FXR1: variants seen among roughly 807,000 people sequenced by gnomAD.
FXR1 encodes FMR1 autosomal homolog 1.
In FXR1, 15 loss-of-function variants were observed where a neutral mutation model predicts 84.0. That is an observed-to-expected ratio of 0.18 (90% CI 0.12 to 0.27). FXR1 has a LOEUF of 0.27. FXR1 is among the 10% of genes least tolerant of loss of function. FXR1 has a pLI of 1.00. For missense variants in FXR1, 480 were observed against 774.4 expected (o/e 0.62, Z 4.51); for synonymous variants, 245 against 250.7 (o/e 0.98, Z 0.21).
intron 1 of FXR1, among the ~76,000 whole-genome samples, chr3:180,931,439 G>A (rs1373806171): frequency 3.3e-5 from 5 of 152,016 alleles, no homozygotes; most frequent in Non-Finnish European, 5.9e-5. Context: ...GGCTGGTCTC[G>A]AACTCCTGAC....
intron 1 of FXR1, among the ~76,000 whole-genome samples, chr3:180,924,735 A>G (rs1375545040): frequency 6.6e-6 from 1 of 151,814 alleles, no homozygotes; most frequent in Non-Finnish European, 1.5e-5. Context: ...CAGGTGATCC[A>G]CCTGCCTCGG....
intron 10 of FXR1, among the ~76,000 whole-genome samples, chr3:180,959,494 G>C (rs1576981866): frequency 1.3e-5 from 2 of 152,008 alleles, no homozygotes; most frequent in Non-Finnish European, 2.9e-5. Context: ...CTAATTTTAT[G>C]ACTTCAGCAA....
chr3:180,975,571 T>C (rs746233183), intron 16 of FXR1, among the ~76,000 whole-genome samples, 167 bp downstream of exon 16: 2 of 152,204 alleles, frequency 1.3e-5, no homozygotes, highest in African/African-American at 2.4e-5. Context: ...ACTAAAGATA[T>C]GCATGCTTGA....
At chr3:180,936,424 C>T (rs1203066627) in intron 3 of FXR1, among the ~76,000 whole-genome samples, 4 of 152,046 alleles carry the variant, frequency 2.6e-5, no homozygotes, top group Non-Finnish European at 4.4e-5. Flanking sequence ...CCCACCATCA[C>T]GCCCAGCTAA....
At chr3:180,921,764 GTTTACATAGACACGTGTATAAT>G (rs1253082140) in intron 1 of FXR1, among the ~76,000 whole-genome samples, 1 of 152,144 alleles carries the variant, frequency 6.6e-6, no homozygotes, top group Non-Finnish European at 1.5e-5. Flanking sequence ...AAAAGTATAC[GTTTACATAGACACGTGTATAAT>G]TTTACACACA....
chr3:180,948,893 A>G (rs955854012), intron 6 of FXR1, 79 bp downstream of exon 6: 2 of 776,040 alleles, frequency 2.6e-6, no homozygotes, highest in African/African-American at 1.7e-5. Flanking sequence ...CAGAAGAGAA[A>G]AGCTAAGATC....
chr3:180,970,088 C>CA, intron 14 of FXR1, 70 bp from the exon 15 acceptor site: 1 of 808,802 alleles, frequency 1.2e-6, no homozygotes, highest in Non-Finnish European at 2.2e-6. Context: ...TGATATAGTT[C>CA]AATATAGATC....
intron 7 of FXR1, among the ~76,000 whole-genome samples, chr3:180,949,724 G>A (rs556191546): frequency 6.6e-6 from 1 of 152,280 alleles, no homozygotes; most frequent in East Asian, 1.9e-4. Flanking sequence ...TGCTTCAAAC[G>A]AAGGCAGCCC....
chr3:180,920,261 A>T (rs996425750), intron 1 of FXR1, among the ~76,000 whole-genome samples: 1 of 152,106 alleles, frequency 6.6e-6, no homozygotes, highest in African/African-American at 2.4e-5. Flanking sequence ...GTTATTTTCA[A>T]GTCTTAAATT....
At chr3:180,940,580 G>GTTTTTTTTTTTT (rs746815811) in intron 3 of FXR1, among the ~76,000 whole-genome samples, 5 of 146,112 alleles carry the variant, frequency 3.4e-5, no homozygotes, top group African/African-American at 1.3e-4. Context: ...GTTTTTTTCT[G>GTTTTTTTTTTTT]TTTTCTTTTT....
chr3:180,955,811 T>G (rs1285585754), intron 9 of FXR1, among the ~76,000 whole-genome samples: 7 of 152,136 alleles, frequency 4.6e-5, no homozygotes, highest in Non-Finnish European at 1.0e-4. Context: ...ATAAGAAAAT[T>G]GGGTATATTT....
intron 1 of FXR1, among the ~76,000 whole-genome samples, chr3:180,922,217 A>G (rs1718677724): frequency 6.6e-6 from 1 of 152,228 alleles, no homozygotes; most frequent in Non-Finnish European, 1.5e-5. Context: ...AAAAAAACAA[A>G]AAACTGTAAT....
rs947601885 is a variant in FXR1, at chr3:180,977,411, A to T, written c.*1119A>T. On this transcript the variant is annotated 3_prime_UTR_variant, in exon 17 of 17. Coordinates refer to ENST00000357559, the MANE Select transcript of FXR1 (RefSeq NM_005087.4). ...AGCAAAAAAACCTAACAAAATTCTA[A>T]TCAAAGGCAACTTTGGAAGACAATG... is the stretch of plus-strand genomic sequence containing the variant. 1 of 152,102 alleles carries T rather than the reference A, an allele frequency of 6.6e-6. No homozygotes were observed. Among genetic ancestry groups the T allele is most frequent in the Non-Finnish European group, 1.5e-5 (1 of 67,974 alleles). The allele number at this position is 152,102 out of a possible 1,614,324, so 9.4% of individuals were successfully genotyped here. A position where few individuals can be genotyped will look rare whatever the true frequency, so the allele number is the denominator to read the frequency against.
intron 1 of FXR1, among the ~76,000 whole-genome samples, chr3:180,927,349 A>G (rs1049032629): frequency 1.3e-5 from 2 of 152,078 alleles, no homozygotes; most frequent in African/African-American, 2.4e-5. Context: ...GAGTGCTCTT[A>G]TAAAATGAGT....
At chr3:180,915,046 CTCTG>C (rs1560152880) in intron 1 of FXR1, 6 of 409,144 alleles carry the variant, frequency 1.5e-5, no homozygotes, top group African/African-American at 2.2e-5. Context: ...GAACAAATCT[CTCTG>C]TCTAACATGA....
At position 180,915,451 on chromosome 3, in the gene FXR1, CG is replaced by C; in HGVS notation, c.51+2717del. The C allele has an allele frequency of 3.1e-6, 4 of 1,280,062 alleles. No homozygotes were observed. In the South Asian group the frequency reaches 5.1e-5, roughly 16 times the overall value. 79.3% of individuals were successfully genotyped at this position (1,280,062 alleles called of 1,614,324 possible). ...ACTATATTGTGTAGTGTTTTGAGTCCGGCTTCCATTTAGCGTAGAAGCAATT... is the reference window on the plus strand; with the variant it reads ...ACTATATTGTGTAGTGTTTTGAGTCCGCTTCCATTTAGCGTAGAAGCAATT... On this transcript the variant is annotated intron_variant, in intron 1 of 16. Transcript: ENST00000357559.
intron 3 of FXR1, among the ~76,000 whole-genome samples, chr3:180,940,557 G>A (rs1721003526): frequency 6.6e-6 from 1 of 150,450 alleles, no homozygotes; most frequent in African/African-American, 2.5e-5. Context: ...AGGTGATAAC[G>A]TGTTTAGTTT....
chr3:180,956,122 A>C (rs1162073584), intron 9 of FXR1, among the ~76,000 whole-genome samples: 1 of 152,358 alleles, frequency 6.6e-6, no homozygotes, highest in South Asian at 2.1e-4. Flanking sequence ...GAATGAGAAC[A>C]CTTGGGTAAG....
At chr3:180,973,815 A>G (rs560160950) in intron 15 of FXR1, among the ~76,000 whole-genome samples, 37 of 152,298 alleles carry the variant, frequency 2.4e-4, no homozygotes, top group African/African-American at 8.9e-4. Flanking sequence ...AGTTCTAGAA[A>G]GTTCTTGGAT....
Sources: gnomAD v4.1 joint callset for allele counts (sites outside exome capture counted in the v4.1 genomes callset) on GRCh38, gnomAD v4.1.1 for gene constraint, MANE v1.5 for transcripts, NCBI Gene and HGNC (gene_info 2026-07-23, HGNC 2026-07-21) for gene names.